The following REPS2 variants were observed in gnomAD, a reference collection of about 807,000 sequenced individuals.
REPS2 encodes the protein RALBP1 associated Eps domain containing 2, also known as ralBP1-associated Eps domain-containing protein 2.
Under a neutral mutation model 53.6 loss-of-function variants are expected in REPS2, and 23 were observed. That is an observed-to-expected ratio of 0.43 (90% CI 0.31 to 0.61). The LOEUF is 0.61. Among genes scored for constraint, REPS2 ranks in the 20% least tolerant of loss-of-function variants. REPS2 has a pLI of 0.11. For missense variants in REPS2, 446 were observed against 534.9 expected (o/e 0.83, Z 1.64); for synonymous variants, 238 against 218.6 (o/e 1.09, Z -0.78).
chrX:17,034,644 T>C (rs1446608606), intron 5 of REPS2, among the ~76,000 whole-genome samples: 1 of 111,958 alleles, frequency 8.9e-6, no homozygotes, highest in Non-Finnish European at 1.9e-5. Flanking sequence ...CTAGAAAAAA[T>C]TATCTTTTAT....
chrX:17,022,138 G>A lies in REPS2; in HGVS notation c.413G>A (p.Arg138His), dbSNP rs747712679. ...GGTCCCAAAGAATTGCCTCTGCCTCGCTTTATGATGTCAAAGAATGATGGT... is the reference window on the plus strand; with the variant it reads ...GGTCCCAAAGAATTGCCTCTGCCTCACTTTATGATGTCAAAGAATGATGGT... The part of the protein sequence containing the change: ...ESIKCELPLP[R>H]FMMSKNDGEI... The change falls in exon 3 of 18, where the codon CGC (arginine) becomes CAC (histidine). Residue 138 changes from arginine to histidine, a missense_variant. Physicochemically the swap from Arg to His is conservative, Grantham distance 29. Transcript: ENST00000357277. The A allele has an allele frequency of 1.0e-5, 12 of 1,204,904 alleles. No individual in the cohort carries two copies. Among genetic ancestry groups the A allele is most frequent in the East Asian group, 3.0e-5 (1 of 33,723 alleles).
chrX:17,063,667 T>C (rs955989362), intron 9 of REPS2, among the ~76,000 whole-genome samples: 2 of 111,971 alleles, frequency 1.8e-5, no homozygotes, highest in African/African-American at 6.5e-5. Flanking sequence ...ATTTTTTTTT[T>C]CTGCAGAATG....
At position 17,150,593 on chromosome X, in the gene REPS2, A is replaced by G. The variant is rs781239144; in HGVS notation, c.*3112A>G. ...GGATCTAACTGCTTTACAAATATTA[A>G]ACAAGTGCTTGGGCATGATTGGGAG... On this transcript the variant is annotated 3_prime_UTR_variant, in exon 18 of 18. Coordinates refer to ENST00000357277, the MANE Select transcript of REPS2 (RefSeq NM_004726.3). 8.9e-6 allele frequency: 1 copy of G among 112,889 alleles called. No homozygotes were observed. The highest frequency in any genetic ancestry group is 1.9e-5 in the Non-Finnish European group (1 of 53,389). The allele number at this position is 112,889 out of a possible 1,213,427, so 9.3% of individuals were successfully genotyped here. A position where few individuals can be genotyped will look rare whatever the true frequency, so the allele number is the denominator to read the frequency against.
chrX:17,085,764 C>T (rs1191632581), intron 13 of REPS2, among the ~76,000 whole-genome samples: 3 of 111,186 alleles, frequency 2.7e-5, no homozygotes, highest in Non-Finnish European at 5.7e-5. Flanking sequence ...AAGTTGAGAA[C>T]CTCCACCCCC....
chrX:17,166,479 A>G, the REPS2 span, among the ~76,000 whole-genome samples: 1 of 112,066 alleles, frequency 8.9e-6, no homozygotes, highest in Non-Finnish European at 1.9e-5. Context: ...TTTCCCTGAG[A>G]TTTTTACAGT....
chrX:17,045,407 G>T (rs926318584), intron 5 of REPS2, among the ~76,000 whole-genome samples: 2 of 110,388 alleles, frequency 1.8e-5, no homozygotes, highest in Non-Finnish European at 3.8e-5. Flanking sequence ...CCCTTAGCTC[G>T]GAAAAAGGAT....
the REPS2 span, among the ~76,000 whole-genome samples, chrX:17,164,403 A>G: frequency 2.7e-5 from 3 of 112,387 alleles, no homozygotes; most frequent in Middle Eastern, 0.014. Context: ...AGAAAAAGAT[A>G]TATCATGAAA....
In REPS2 at chrX:17,143,855, T is replaced by A. The variant is rs182920298; in HGVS notation, c.1915-3558T>A. ...TCGTTGTGATCTTTTTTTATGGTCA[T>A]TTTTCTTTCTTCTTCCTGAATAGTT... On this transcript the variant is annotated intron_variant, in intron 17 of 17. Transcript: ENST00000357277. 6.7e-4 allele frequency among the ~76,000 whole-genome samples: 75 copies of A among 112,274 alleles called. 1 individual carries two copies. The East Asian group carries it at 9.8e-3, about 15-fold the overall frequency.
chrX:17,132,384 A>C (rs2063304145), intron 14 of REPS2, among the ~76,000 whole-genome samples: 1 of 111,568 alleles, frequency 9.0e-6, no homozygotes, highest in African/African-American at 3.3e-5. Flanking sequence ...AATAAAGAGG[A>C]ATTTGTTTCT....
chrX:17,073,991 C>G lies in REPS2; in HGVS notation c.1334-123C>G, dbSNP rs944689997. 6.6e-6 allele frequency: 3 copies of G among 451,962 alleles called. No homozygotes were observed. The Admixed American group carries it at 1.1e-4, about 17-fold the overall frequency. The allele number at this position is 451,962 out of a possible 1,213,427, so 37.2% of individuals were successfully genotyped here. A position where few individuals can be genotyped will look rare whatever the true frequency, so the allele number is the denominator to read the frequency against. On this transcript the variant is annotated intron_variant, in intron 11 of 17. Transcript: ENST00000357277. ...AAATCATGAAAATGTGGGAGCCGTC[C>G]AGTTCTCCACATGGGCACTTTTACC... is the stretch of plus-strand genomic sequence containing the variant.
intron 13 of REPS2, among the ~76,000 whole-genome samples, chrX:17,090,943 A>T (rs2062608699): frequency 8.9e-6 from 1 of 112,236 alleles, no homozygotes; most frequent in African/African-American, 3.2e-5. Context: ...CTCTTCGTAT[A>T]TGAATATCCA....
At chrX:17,133,329 G>A (rs998560200) in intron 14 of REPS2, among the ~76,000 whole-genome samples, 3 of 111,542 alleles carry the variant, frequency 2.7e-5, no homozygotes, top group African/African-American at 9.8e-5. Flanking sequence ...GCTGGATCTG[G>A]GGATGCAGCA....
chrX:17,030,720 CTAATAGTA>C (rs1301665795), intron 5 of REPS2, among the ~76,000 whole-genome samples: 1 of 112,179 alleles, frequency 8.9e-6, no homozygotes, highest in Non-Finnish European at 1.9e-5. Flanking sequence ...ACTGCTGCTT[CTAATAGTA>C]TAAGTGAGTT....
intron 11 of REPS2, among the ~76,000 whole-genome samples, chrX:17,072,601 G>A (rs1054306619): frequency 8.9e-6 from 1 of 112,658 alleles, no homozygotes; most frequent in Non-Finnish European, 1.9e-5. Flanking sequence ...CTGATTTGGG[G>A]AACAGTATTT....
chrX:17,051,801 C>T (rs764862825), intron 6 of REPS2, among the ~76,000 whole-genome samples: 22 of 112,058 alleles, frequency 2.0e-4, no homozygotes, highest in Non-Finnish European at 5.6e-5. Flanking sequence ...CTGGGTCTTG[C>T]AGTTATGTAA....
intron 5 of REPS2, among the ~76,000 whole-genome samples, chrX:17,046,429 G>A (rs930218258): frequency 9.0e-6 from 1 of 111,492 alleles, no homozygotes; most frequent in Non-Finnish European, 1.9e-5. Context: ...ACCTGCCTCG[G>A]CCTCCCAAAG....
At chrX:17,100,564 A>T (rs1355498962) in intron 13 of REPS2, among the ~76,000 whole-genome samples, 1 of 112,369 alleles carries the variant, frequency 8.9e-6, no homozygotes, top group Non-Finnish European at 1.9e-5. Context: ...CCGCCTTCAT[A>T]ATCTATTAAA....
At chrX:17,067,946 A>G (rs2062247005) in intron 9 of REPS2, among the ~76,000 whole-genome samples, 1 of 111,777 alleles carries the variant, frequency 8.9e-6, no homozygotes, top group South Asian at 3.8e-4. Context: ...CTCACTAGGA[A>G]CCTAAAAAAA....
intron 5 of REPS2, among the ~76,000 whole-genome samples, chrX:17,036,810 T>A (rs1008799714): frequency 1.6e-4 from 16 of 102,563 alleles, no homozygotes; most frequent in Middle Eastern, 4.9e-3. Flanking sequence ...GAGGAGGAGA[T>A]AGAGGTAGAG....
Sources: allele counts gnomAD v4.1 joint callset (sites outside exome capture counted in the v4.1 genomes callset), GRCh38; gene constraint gnomAD v4.1.1; transcripts MANE v1.5; gene names NCBI Gene and HGNC (gene_info 2026-07-23, HGNC 2026-07-21).